GABRB3: variants seen among roughly 807,000 people sequenced by gnomAD.
The protein encoded by GABRB3 is gamma-aminobutyric acid type A receptor subunit beta3.
GABRB3 carries 14 observed loss-of-function variants against 52.1 expected under a neutral mutation model. The observed-to-expected ratio is 0.27, with a 90% CI of 0.18 to 0.42. The LOEUF (loss-of-function observed/expected upper bound fraction) is 0.42. GABRB3 is among the 10% of genes least tolerant of loss of function. The pLI, the probability that GABRB3 is intolerant of heterozygous loss-of-function variation, is 1.00. For synonymous variants in GABRB3, 260 were observed against 232.3 expected, an observed-to-expected ratio of 1.12 and a Z score of -1.08; for missense variants, 307 against 609.1, an observed-to-expected ratio of 0.50 and a Z score of 5.22.
chr15:26,766,155 T>G (rs1320406038), intron 3 of GABRB3, among the ~76,000 whole-genome samples: 1 of 152,228 alleles, frequency 6.6e-6, no homozygotes, highest in Non-Finnish European at 1.5e-5. Flanking sequence ...TCATTATGAA[T>G]GACAAAAGAT....
At chr15:26,624,363 T>TC in intron 3 of GABRB3, 1 of 985,506 alleles carries the variant, frequency 1.0e-6, no homozygotes, top group Non-Finnish European at 1.2e-6. Context: ...CTTGTTTCTT[T>TC]CTTTACTCCT....
At chr15:26,726,861 T>G (rs1009544529) in intron 3 of GABRB3, among the ~76,000 whole-genome samples, 1 of 152,180 alleles carries the variant, frequency 6.6e-6, no homozygotes, top group African/African-American at 2.4e-5. Flanking sequence ...GGTATTTTAT[T>G]TCTCATTAAA....
chr15:26,560,944 G>A lies in GABRB3; in HGVS notation c.1068C>T (p.Ser356=), dbSNP rs369761963. ...GTGGAGAGCCTACCCGGTTGCTTTCGCTCTTTGAACGGTCATTCTTTGCCT... is the reference window on the plus strand; with the variant it reads ...GTGGAGAGCCTACCCGGTTGCTTTCACTCTTTGAACGGTCATTCTTTGCCT... ...TAKAKNDRSK[S]ESNRVDAHGN... Residue 356 remains serine (S), a synonymous_variant, in exon 8 of 9, where the codon AGC becomes AGT. Transcript: ENST00000311550. 83 of 1,613,862 alleles carry A rather than the reference G, an allele frequency of 5.1e-5. No individual in the cohort carries two copies. The highest frequency in any genetic ancestry group is 6.4e-5 in the Non-Finnish European group (76 of 1,180,034).
intron 4 of GABRB3, among the ~76,000 whole-genome samples, chr15:26,598,754 T>C (rs7178850): frequency 0.31 from 47,002 of 151,940 alleles, 8,157 homozygotes; most frequent in East Asian, 0.77. Context: ...GGAAATAACA[T>C]GGCTAGATTG....
intron 3 of GABRB3, among the ~76,000 whole-genome samples, chr15:26,757,145 C>T (rs1164199675): frequency 6.6e-6 from 1 of 152,094 alleles, no homozygotes; most frequent in African/African-American, 2.4e-5. Flanking sequence ...AAAGAAAATT[C>T]CTGTTTCTTA....
At chr15:26,719,535 A>C (rs1293459775) in intron 3 of GABRB3, among the ~76,000 whole-genome samples, 1 of 152,236 alleles carries the variant, frequency 6.6e-6, no homozygotes, top group African/African-American at 2.4e-5. Flanking sequence ...GCTAAGTTTT[A>C]AATATTCAGC....
chr15:26,580,443 C>G lies in GABRB3; in HGVS notation c.558G>C (p.Thr186=). 1 of 1,614,148 alleles carries G rather than the reference C, an allele frequency of 6.2e-7. No homozygotes were observed. The highest frequency in any genetic ancestry group is 8.5e-7 in the Non-Finnish European group (1 of 1,180,042). ...CTCGCCAGTAAAACTCAATGTCATC[C>G]GTGGTGTAGCCATCTGCCAAGAGAG... ...TLEIESYGYT[T]DDIEFYWRGG... is the part of the protein sequence containing the mutation. Residue 186 remains threonine, a synonymous_variant, in exon 6 of 9, where the codon ACG becomes ACC. Coordinates refer to ENST00000311550, the MANE Select transcript of GABRB3 (RefSeq NM_000814.6).
chr15:26,710,787 C>T (rs1047304069), intron 3 of GABRB3, among the ~76,000 whole-genome samples: 3 of 151,782 alleles, frequency 2.0e-5, no homozygotes, highest in African/African-American at 7.3e-5. Flanking sequence ...TGTCTTCTTA[C>T]TATTGAGCTA....
At chr15:26,628,516 G>A (rs1026460183) in intron 3 of GABRB3, among the ~76,000 whole-genome samples, 9 of 152,154 alleles carry the variant, frequency 5.9e-5, no homozygotes, top group Non-Finnish European at 1.2e-4. Context: ...ATGACTACAG[G>A]TGAATTCTTG....
chr15:26,671,937 C>T (rs942442825), intron 3 of GABRB3, among the ~76,000 whole-genome samples: 17 of 152,108 alleles, frequency 1.1e-4, no homozygotes, highest in Admixed American at 9.2e-4. Context: ...TTGTCATTTT[C>T]ACATCTATAA....
chr15:26,543,761 A>G lies in GABRB3; in HGVS notation c.*4032T>C, dbSNP rs1409851025. On this transcript the variant is annotated 3_prime_UTR_variant, in exon 9 of 9. Transcript: ENST00000311550. ...ACAGCAATCGCCTATTCCTACTAGA[A>G]TAATCCTGTACTTACCTTAAACACA... The G allele has an allele frequency of 6.6e-6, 1 of 152,662 alleles. No individual in the cohort carries two copies. Among genetic ancestry groups the G allele is most frequent in the Non-Finnish European group, 1.5e-5 (1 of 68,044 alleles). The allele number at this position is 152,662 out of a possible 1,614,324, so 9.5% of individuals were successfully genotyped here. A position where few individuals can be genotyped will look rare whatever the true frequency, so the allele number is the denominator to read the frequency against.
intron 3 of GABRB3, among the ~76,000 whole-genome samples, chr15:26,753,916 G>A (rs1890586353): frequency 1.3e-5 from 2 of 152,162 alleles, no homozygotes; most frequent in African/African-American, 4.8e-5. Context: ...TATCAGCAAA[G>A]ATGGGATGTT....
At chr15:26,571,057 T>C (rs959363916) in intron 6 of GABRB3, among the ~76,000 whole-genome samples, 4 of 152,214 alleles carry the variant, frequency 2.6e-5, no homozygotes, top group Non-Finnish European at 5.9e-5. Context: ...CTCAACATCC[T>C]TATTGAATTG....
chr15:26,559,201 C>T (rs1322110291), intron 8 of GABRB3, among the ~76,000 whole-genome samples: 3 of 152,226 alleles, frequency 2.0e-5, no homozygotes, highest in Non-Finnish European at 4.4e-5. Context: ...CCCTTTGGTG[C>T]TGTCTGTGAT....
chr15:26,578,554 T>C (rs551396065), intron 6 of GABRB3, among the ~76,000 whole-genome samples: 48 of 152,188 alleles, frequency 3.2e-4, no homozygotes, highest in Non-Finnish European at 5.0e-4. Context: ...GCTTTCAAGT[T>C]AGTGGATTCA....
intron 4 of GABRB3, among the ~76,000 whole-genome samples, chr15:26,606,254 A>G (rs1264363916): frequency 2.6e-5 from 4 of 152,158 alleles, no homozygotes; most frequent in African/African-American, 9.7e-5. Context: ...GACTATAGTC[A>G]AGGATAATTG....
At chr15:26,667,247 G>A (rs200155474) in intron 3 of GABRB3, among the ~76,000 whole-genome samples, 2 of 152,192 alleles carry the variant, frequency 1.3e-5, no homozygotes, top group South Asian at 2.1e-4. Context: ...GCCAGAGCCC[G>A]AGGAGTGAAC....
chr15:26,735,469 A>G (rs928881315), intron 3 of GABRB3, among the ~76,000 whole-genome samples: 1 of 152,234 alleles, frequency 6.6e-6, no homozygotes, highest in South Asian at 2.1e-4. Context: ...TTGTACACCC[A>G]TGTTCATAGC....
rs199889868 is a variant in GABRB3 at position 26,610,157 on chromosome 15, AT to A, written c.461+11156del. 2.0e-3 allele frequency among the ~76,000 whole-genome samples: 304 copies of A among 152,012 alleles called. 6 individuals carry two copies. In the East Asian group the frequency reaches 0.036, roughly 18 times the overall value. The stretch of plus-strand genomic sequence containing the variant: ...CTAATTACTGTTTTCCCATATATAG[AT>A]TTTTTTTCCCTGCTAATATATTAGG... On this transcript the variant is annotated intron_variant, in intron 4 of 8. Transcript: ENST00000311550.
Sources: gnomAD v4.1 joint callset for allele counts (sites outside exome capture counted in the v4.1 genomes callset) on GRCh38, gnomAD v4.1.1 for gene constraint, MANE v1.5 for transcripts, NCBI Gene and HGNC (gene_info 2026-07-23, HGNC 2026-07-21) for gene names.